P4HA3: variants seen among roughly 807,000 people sequenced by gnomAD.
P4HA3 encodes the protein prolyl 4-hydroxylase subunit alpha 3.
A neutral mutation model predicts 66.7 loss-of-function variants in P4HA3; 60 were observed. The ratio of observed to expected loss-of-function variants is 0.90; its 90% CI spans 0.73 to 1.12. The LOEUF (loss-of-function observed/expected upper bound fraction) is 1.12. P4HA3 is among the 50% of genes most tolerant of loss of function. P4HA3 has a pLI of 0.00. For synonymous variants in P4HA3, 263 were observed against 274.6 expected (o/e 0.96, Z 0.42); for missense variants, 683 against 685.8 (o/e 1.00, Z 0.05).
intron 9 of P4HA3, among the ~76,000 whole-genome samples, chr11:74,273,865 C>T (rs1860295373): frequency 1.3e-5 from 2 of 151,800 alleles, no homozygotes; most frequent in Admixed American, 1.3e-4. Context: ...AGTGAAAGTA[C>T]TATATGAGGG....
At chr11:74,251,626 G>A in intron 15 of P4HA3, 1 of 1,611,334 alleles carries the variant, frequency 6.2e-7, no homozygotes. Flanking sequence ...TATATGGCCT[G>A]GAATATCTCT....
chr11:74,277,739 G>C (rs1191416392), intron 8 of P4HA3, among the ~76,000 whole-genome samples: 1 of 152,242 alleles, frequency 6.6e-6, no homozygotes, highest in African/African-American at 2.4e-5. Context: ...GCAGAGTTCA[G>C]TCTCTTTTCC....
intron 10 of P4HA3, among the ~76,000 whole-genome samples, chr11:74,269,965 C>T (rs1356167711): frequency 6.6e-6 from 1 of 152,160 alleles, no homozygotes. Flanking sequence ...TTCCAGCTAA[C>T]ATCCTTATTG....
intron 4 of P4HA3, among the ~76,000 whole-genome samples, chr11:74,290,092 C>T (rs111784943): frequency 0.04 from 6,007 of 152,020 alleles, 126 homozygotes; most frequent in Middle Eastern, 0.099. Context: ...TCTCCACATC[C>T]TCTCCAGCAC....
chr11:74,281,371 T>C (rs1273364676), intron 7 of P4HA3, among the ~76,000 whole-genome samples: 16 of 152,190 alleles, frequency 1.1e-4, no homozygotes, highest in Admixed American at 1.0e-3. Flanking sequence ...ATCCCATTAC[T>C]GGGTATATAC....
At position 74,268,433 on chromosome 11, in the gene P4HA3, G is replaced by A. The variant is rs149577866; in HGVS notation, c.1468-192C>T. Among the ~76,000 whole-genome samples the A allele has an allele frequency of 2.5e-3, 382 of 152,374 alleles. 3 individuals are homozygous for A. Among genetic ancestry groups the A allele is most frequent in the African/African-American group, 8.6e-3 (356 of 41,594 alleles). On this transcript the variant is annotated intron_variant, in intron 11 of 12. Transcript: ENST00000331597. Reference sequence around the variant, plus strand: ...CCTTCATGCATGGGTCACTGACAGAGTCCCCTGCACCCCAGGTCCTGGGGC... The same window carrying A: ...CCTTCATGCATGGGTCACTGACAGAATCCCCTGCACCCCAGGTCCTGGGGC...
At chr11:74,306,997 A>G (rs1861600074) in intron 1 of P4HA3, among the ~76,000 whole-genome samples, 1 of 152,084 alleles carries the variant, frequency 6.6e-6, no homozygotes, top group East Asian at 1.9e-4. Flanking sequence ...AGGGAAAGAT[A>G]CTCCACTGCT....
intron 15 of P4HA3, chr11:74,253,470 TTC>T: frequency 6.2e-7 from 1 of 1,601,684 alleles, no homozygotes; most frequent in Non-Finnish European, 8.6e-7. Context: ...TTGTTTTTCC[TTC>T]TCTTTCTGTT....
At chr11:74,293,607 G>C (rs1351294913) in intron 4 of P4HA3, among the ~76,000 whole-genome samples, 4 of 152,154 alleles carry the variant, frequency 2.6e-5, no homozygotes, top group Non-Finnish European at 5.9e-5. Flanking sequence ...TCCATGTTTA[G>C]TGCTTCCTTC....
chr11:74,289,110 G>A lies in P4HA3; in HGVS notation c.738C>T (p.Ala246=), dbSNP rs1360173659. ...GAAGAAACTCCCGAGAGAGGCTGAG[G>A]GCACACGAAACATTTCCTGCCTGTT... ...AYFRAGNVSC[A]LSLSREFLLY... is the part of the protein sequence containing the mutation. The change falls in exon 5 of 13, where the codon GCC becomes GCT. Residue 246 remains alanine (A), a synonymous_variant. Coordinates refer to ENST00000331597, the MANE Select transcript of P4HA3 (RefSeq NM_182904.5). The A allele has an allele frequency of 1.0e-5, 16 of 1,582,228 alleles. No individual in the cohort carries two copies. Among genetic ancestry groups the A allele is most frequent in the Non-Finnish European group, 1.0e-5 (12 of 1,166,512 alleles).
chr11:74,257,832 GC>G (rs1300711131), intron 15 of P4HA3, among the ~76,000 whole-genome samples: 1 of 152,124 alleles, frequency 6.6e-6, no homozygotes, highest in African/African-American at 2.4e-5. Context: ...TAGAACAGTG[GC>G]CACTGGGCTG....
intron 7 of P4HA3, among the ~76,000 whole-genome samples, chr11:74,283,808 T>C (rs1429933574): frequency 6.6e-6 from 1 of 152,246 alleles, no homozygotes; most frequent in Non-Finnish European, 1.5e-5. Flanking sequence ...AAGCCTTCCC[T>C]GATTCTTCCT....
At chr11:74,251,542 G>T in intron 15 of P4HA3, 2 of 1,520,536 alleles carry the variant, frequency 1.3e-6, no homozygotes, top group South Asian at 2.7e-5. Context: ...ACCTGTGGGT[G>T]GGATGAGGGC....
At chr11:74,294,432 C>T (rs1295299776) in intron 4 of P4HA3, among the ~76,000 whole-genome samples, 3 of 152,136 alleles carry the variant, frequency 2.0e-5, no homozygotes, top group Non-Finnish European at 1.5e-5. Flanking sequence ...CGTCTGAAGC[C>T]TTCTTCTCTC....
At chr11:74,253,571 C>G (rs1185357783) in intron 15 of P4HA3, 6 of 1,521,804 alleles carry the variant, frequency 3.9e-6, no homozygotes, top group Non-Finnish European at 5.5e-6. Flanking sequence ...GCACCAGAGG[C>G]CACTGTGATG....
At chr11:74,308,299 G>A (rs770115853) in intron 1 of P4HA3, among the ~76,000 whole-genome samples, 1 of 152,056 alleles carries the variant, frequency 6.6e-6, no homozygotes, top group Non-Finnish European at 1.5e-5. Flanking sequence ...GATCACTTCA[G>A]GTCAGGAGTT....
intron 5 of P4HA3, among the ~76,000 whole-genome samples, chr11:74,286,620 G>C (rs978915744): frequency 6.6e-6 from 1 of 152,146 alleles, no homozygotes; most frequent in Non-Finnish European, 1.5e-5. Context: ...AAGGTGCAAA[G>C]GGTTTTGGGA....
downstream of P4HA3, among the ~76,000 whole-genome samples, chr11:74,264,875 C>A (rs1373922653): frequency 1.3e-5 from 2 of 152,198 alleles, no homozygotes; most frequent in Admixed American, 1.3e-4. Flanking sequence ...CTGAGGATTA[C>A]TCATTAAGCA....
intron 3 of P4HA3, among the ~76,000 whole-genome samples, chr11:74,300,864 T>C (rs183209711): frequency 1.3e-5 from 2 of 152,216 alleles, no homozygotes; most frequent in African/African-American, 4.8e-5. Flanking sequence ...CTAGAAGCAA[T>C]CCAAGAATCT....
Sources: allele counts gnomAD v4.1 joint callset (sites outside exome capture counted in the v4.1 genomes callset), GRCh38; gene constraint gnomAD v4.1.1; transcripts MANE v1.5; gene names NCBI Gene and HGNC (gene_info 2026-07-23, HGNC 2026-07-21).